CREG2: variants seen among roughly 807,000 people sequenced by gnomAD.
CREG2 encodes protein CREG2.
CREG2 carries 24 observed loss-of-function variants against 26.2 expected under a neutral mutation model. The ratio of observed to expected loss-of-function variants is 0.92; its 90% CI spans 0.66 to 1.29. The LOEUF (loss-of-function observed/expected upper bound fraction) is 1.29, where lower values mean the gene tolerates loss of function less well. CREG2 is among the 50% of genes most tolerant of loss of function. CREG2 has a pLI of 0.00. For missense variants in CREG2, 366 were observed against 398.6 expected, an observed-to-expected ratio of 0.92 and a Z score of 0.70; for synonymous variants, 174 against 169.2, an observed-to-expected ratio of 1.03 and a Z score of -0.22.
chr2:101,358,272 G>T (rs969172106), intron 2 of CREG2, among the ~76,000 whole-genome samples: 1 of 152,156 alleles, frequency 6.6e-6, no homozygotes, highest in African/African-American at 2.4e-5. Flanking sequence ...GATTACAGGC[G>T]TGAGCCACCG....
chr2:101,360,272 A>G (rs1184038219), intron 2 of CREG2, among the ~76,000 whole-genome samples: 2 of 152,132 alleles, frequency 1.3e-5, no homozygotes, highest in African/African-American at 4.8e-5. Context: ...TACAAATACT[A>G]AACCTCCTGA....
intron 2 of CREG2, among the ~76,000 whole-genome samples, chr2:101,378,054 G>A (rs1244833228): frequency 1.3e-5 from 2 of 152,184 alleles, no homozygotes; most frequent in East Asian, 1.9e-4. Flanking sequence ...CATGCTGTAC[G>A]TTAGATCCCC....
intron 2 of CREG2, among the ~76,000 whole-genome samples, chr2:101,356,243 G>T (rs1234580596): frequency 6.6e-6 from 1 of 152,136 alleles, no homozygotes; most frequent in Non-Finnish European, 1.5e-5. Context: ...CTGCGGTCTG[G>T]GGTTTATATG....
Position 101,348,587 on chromosome 2 carries a change from T to C in CREG2, c.*2336A>G, listed in dbSNP as rs1055879309. The C allele has an allele frequency of 3.9e-5, 6 of 152,208 alleles. No homozygotes were observed. Among genetic ancestry groups the C allele is most frequent in the Non-Finnish European group, 7.3e-5 (5 of 68,044 alleles). 9.4% of individuals were successfully genotyped at this position (152,208 alleles called of 1,614,324 possible). On this transcript the variant is annotated 3_prime_UTR_variant, in exon 4 of 4. Transcript: ENST00000324768. Reference sequence around the variant, plus strand: ...TGTTTTTAGTTTTTTTCCCCACATGTTCATCGTTAGCATAGAGAAATGCAA... The same window carrying C: ...TGTTTTTAGTTTTTTTCCCCACATGCTCATCGTTAGCATAGAGAAATGCAA...
chr2:101,376,400 C>T (rs1289774991), intron 2 of CREG2, among the ~76,000 whole-genome samples: 1 of 152,078 alleles, frequency 6.6e-6, no homozygotes, highest in Admixed American at 6.5e-5. Flanking sequence ...GCCTCAGCCT[C>T]CCAAGTAGCT....
intron 2 of CREG2, among the ~76,000 whole-genome samples, chr2:101,380,666 G>A (rs750037788): frequency 6.6e-6 from 1 of 152,170 alleles, no homozygotes; most frequent in African/African-American, 2.4e-5. Context: ...GTTGCAGGCC[G>A]GGCGCCGTGG....
chr2:101,379,691 T>A (rs1364441724), intron 2 of CREG2, among the ~76,000 whole-genome samples: 1 of 152,218 alleles, frequency 6.6e-6, no homozygotes, highest in Non-Finnish European at 1.5e-5. Context: ...TTTAATTTGA[T>A]AAAACTAGGT....
At chr2:101,360,790 G>A (rs974758949) in intron 2 of CREG2, among the ~76,000 whole-genome samples, 7 of 151,818 alleles carry the variant, frequency 4.6e-5, no homozygotes, top group Admixed American at 1.3e-4. Flanking sequence ...TTTGATACTG[G>A]AAAAATGTGG....
intron 1 of CREG2, 86 bp from the exon 2 acceptor site, chr2:101,383,788 A>G (rs1420134159): frequency 3.6e-5 from 46 of 1,267,910 alleles, no homozygotes; most frequent in Non-Finnish European, 4.6e-5. Flanking sequence ...TGGCTAGGAA[A>G]TACAACACCA....
At chr2:101,355,676 A>AC (rs1006845743) in intron 2 of CREG2, among the ~76,000 whole-genome samples, 8 of 99,960 alleles carry the variant, frequency 8.0e-5, no homozygotes, top group African/African-American at 3.1e-4. Context: ...AAGTTCCCTG[A>AC]CCCCCTCGAG....
chr2:101,371,981 A>T (rs1465615304), intron 2 of CREG2, among the ~76,000 whole-genome samples: 2 of 151,398 alleles, frequency 1.3e-5, no homozygotes, highest in Admixed American at 1.3e-4. Flanking sequence ...AAGGGAGGGA[A>T]CACCAAGGAG....
At chr2:101,354,925 G>A (rs1684433661) in intron 3 of CREG2, among the ~76,000 whole-genome samples, 1 of 152,028 alleles carries the variant, frequency 6.6e-6, no homozygotes. Context: ...GCAGGCAATG[G>A]GCTTTGTTTC....
intron 2 of CREG2, among the ~76,000 whole-genome samples, chr2:101,359,175 G>A (rs577100200): frequency 4.5e-4 from 69 of 152,156 alleles, no homozygotes; most frequent in Admixed American, 2.7e-3. Flanking sequence ...GGGGCCAAGC[G>A]GGCAACTTGA....
chr2:101,372,850 A>G (rs567446986), intron 2 of CREG2, among the ~76,000 whole-genome samples: 12 of 152,378 alleles, frequency 7.9e-5, no homozygotes, highest in African/African-American at 2.2e-4. Context: ...CAGTTCCCCA[A>G]AGGAGACATA....
chr2:101,383,210 A>C, intron 2 of CREG2: 1 of 354,754 alleles, frequency 2.8e-6, no homozygotes, highest in Non-Finnish European at 5.0e-6. Context: ...CTTTTCCATA[A>C]CAACAGGAGC....
chr2:101,356,413 T>C (rs762994208), intron 2 of CREG2, among the ~76,000 whole-genome samples: 4 of 152,252 alleles, frequency 2.6e-5, no homozygotes, highest in Non-Finnish European at 4.4e-5. Flanking sequence ...TGGGGAGTTA[T>C]TATTCAGAGG....
chr2:101,364,551 G>T (rs1684592616), intron 2 of CREG2, among the ~76,000 whole-genome samples: 1 of 152,224 alleles, frequency 6.6e-6, no homozygotes, highest in Non-Finnish European at 1.5e-5. Flanking sequence ...ATAAGTATGG[G>T]TGTCATCTGC....
chr2:101,359,679 A>G (rs1180888528), intron 2 of CREG2, among the ~76,000 whole-genome samples: 1 of 152,216 alleles, frequency 6.6e-6, no homozygotes, highest in African/African-American at 2.4e-5. Flanking sequence ...CTGACTAGCT[A>G]CCTACAGTAA....
intron 1 of CREG2, among the ~76,000 whole-genome samples, chr2:101,384,078 T>C (rs972504461): frequency 6.6e-6 from 1 of 152,190 alleles, no homozygotes; most frequent in Non-Finnish European, 1.5e-5. Context: ...AGCTGCCTGT[T>C]ACAGCCCCAC....
Sources: gnomAD v4.1 joint callset for allele counts (sites outside exome capture counted in the v4.1 genomes callset) on GRCh38, gnomAD v4.1.1 for gene constraint, MANE v1.5 for transcripts, NCBI Gene and HGNC (gene_info 2026-07-23, HGNC 2026-07-21) for gene names.